UBR1: variants seen among roughly 807,000 people sequenced by gnomAD.
UBR1 encodes the protein ubiquitin protein ligase E3 component n-recognin 1.
UBR1 carries 102 observed loss-of-function variants against 242.1 expected under a neutral mutation model. The ratio of observed to expected loss-of-function variants is 0.42; its 90% CI spans 0.36 to 0.50. The LOEUF is 0.50. Among genes scored for constraint, UBR1 ranks in the 20% least tolerant of loss-of-function variants. The pLI, the probability that UBR1 is intolerant of heterozygous loss-of-function variation, is 0.01. For missense variants in UBR1, 1,772 were observed against 2,101.8 expected (o/e 0.84, Z 3.07); for synonymous variants, 675 against 684.8 (o/e 0.99, Z 0.22).
intron 17 of UBR1, among the ~76,000 whole-genome samples, chr15:43,037,226 T>C (rs930431734): frequency 2.6e-5 from 4 of 151,726 alleles, no homozygotes; most frequent in East Asian, 3.9e-4. Flanking sequence ...TGTATGTCTG[T>C]AGTCCCAGCT....
chr15:42,980,149 T>A (rs2032353258), intron 37 of UBR1, among the ~76,000 whole-genome samples: 1 of 152,198 alleles, frequency 6.6e-6, no homozygotes, highest in Non-Finnish European at 1.5e-5. Flanking sequence ...TCGTCCTAAT[T>A]TCCATCATCT....
At chr15:42,992,279 T>A (rs115503186) in intron 33 of UBR1, among the ~76,000 whole-genome samples, 193 of 152,358 alleles carry the variant, frequency 1.3e-3, no homozygotes, top group African/African-American at 4.5e-3. Context: ...GGCATTTGGT[T>A]GTTTTTCCCT....
chr15:43,091,635 A>G (rs777430863), intron 1 of UBR1, among the ~76,000 whole-genome samples: 3 of 152,128 alleles, frequency 2.0e-5, no homozygotes, highest in Non-Finnish European at 4.4e-5. Context: ...TATAATGAAT[A>G]ATTGATATTT....
At chr15:43,073,040 A>G (rs2033842022) in intron 4 of UBR1, among the ~76,000 whole-genome samples, 1 of 152,044 alleles carries the variant, frequency 6.6e-6, no homozygotes, top group South Asian at 2.1e-4. Flanking sequence ...ATACGCCTAT[A>G]ATCTCAGCTA....
rs1213758864 is a variant in UBR1, at chr15:42,944,933, T to C, written c.*396A>G. ...TCACAGATTATTAGAATTTTGTCAG[T>C]GATCCAATGTCAGTTGAACTAAACT... On this transcript the variant is annotated 3_prime_UTR_variant, in exon 47 of 47. Coordinates refer to ENST00000290650, the MANE Select transcript of UBR1 (RefSeq NM_174916.3). 1 of 230,276 alleles carries C rather than the reference T, an allele frequency of 4.3e-6. No individual in the cohort carries two copies. The highest frequency in any genetic ancestry group is 8.7e-6 in the Non-Finnish European group (1 of 115,210). 14.3% of individuals were successfully genotyped at this position (230,276 alleles called of 1,614,324 possible).
chr15:42,982,520 TG>T (rs1034386665), intron 37 of UBR1, among the ~76,000 whole-genome samples: 2 of 152,158 alleles, frequency 1.3e-5, no homozygotes, highest in Non-Finnish European at 2.9e-5. Context: ...AGGAGACACC[TG>T]GAAGTTAATT....
chr15:42,981,933 T>C (rs184751248), intron 37 of UBR1, among the ~76,000 whole-genome samples: 101 of 152,364 alleles, frequency 6.6e-4, no homozygotes, highest in African/African-American at 2.2e-3. Context: ...TGAAAAACTT[T>C]CATATATAGG....
intron 30 of UBR1, among the ~76,000 whole-genome samples, chr15:43,005,273 C>T (rs1473014336): frequency 6.6e-6 from 1 of 151,618 alleles, no homozygotes; most frequent in Non-Finnish European, 1.5e-5. Flanking sequence ...GCCAGCTGCC[C>T]CTTCCGGGAG....
At chr15:42,972,200 C>T (rs12440651) in intron 39 of UBR1, among the ~76,000 whole-genome samples, 1 of 151,460 alleles carries the variant, frequency 6.6e-6, no homozygotes, top group South Asian at 2.1e-4. Flanking sequence ...CACCCTTACC[C>T]CTGGCAATCA....
intron 38 of UBR1, among the ~76,000 whole-genome samples, chr15:42,977,300 C>T (rs1403217209): frequency 6.6e-6 from 1 of 152,076 alleles, no homozygotes; most frequent in Non-Finnish European, 1.5e-5. Context: ...TGGGTAGAGG[C>T]CTAGATAATG....
chr15:42,995,966 C>G (rs1346899213), intron 33 of UBR1, among the ~76,000 whole-genome samples: 1 of 152,218 alleles, frequency 6.6e-6, no homozygotes, highest in Admixed American at 6.5e-5. Flanking sequence ...CTGTTCCCCA[C>G]TGTGTACTCT....
chr15:42,958,833 A>C (rs1034566762), intron 43 of UBR1, among the ~76,000 whole-genome samples: 4 of 152,066 alleles, frequency 2.6e-5, no homozygotes, highest in African/African-American at 9.7e-5. Context: ...CAACCAATTT[A>C]TTGATTTATT....
rs1341486822 is a variant in UBR1 at position 43,011,955 on chromosome 15, AG to A, written c.3209+3732del. ...AGAATCTACATTATAGGCCGGGCAC[AG>A]TGGCTCACGCCTGTAATCCCAGCGC... is the stretch of plus-strand genomic sequence containing the variant. On this transcript the variant is annotated intron_variant, in intron 29 of 46. Coordinates refer to ENST00000290650, the MANE Select transcript of UBR1 (RefSeq NM_174916.3). The A allele has an allele frequency of 1.1e-5, 5 of 451,606 alleles. No homozygotes were observed. The East Asian group carries it at 3.5e-4, about 32-fold the overall frequency. 28.0% of individuals were successfully genotyped at this position (451,606 alleles called of 1,614,324 possible).
chr15:42,980,576 T>C (rs138832110), intron 37 of UBR1, among the ~76,000 whole-genome samples: 9 of 152,060 alleles, frequency 5.9e-5, no homozygotes, highest in African/African-American at 2.2e-4. Flanking sequence ...GAGCATTGTA[T>C]GTCCTATCTA....
chr15:43,077,846 A>C (rs1004416656), intron 3 of UBR1, among the ~76,000 whole-genome samples: 7 of 152,192 alleles, frequency 4.6e-5, no homozygotes, highest in African/African-American at 1.7e-4. Context: ...CCTCAGGTAG[A>C]GGATGATGGC....
chr15:42,996,812 T>C (rs2032648319), intron 33 of UBR1, among the ~76,000 whole-genome samples: 1 of 152,190 alleles, frequency 6.6e-6, no homozygotes, highest in African/African-American at 2.4e-5. Context: ...ATATGAATTG[T>C]AGAAATAAGA....
intron 11 of UBR1, 127 bp downstream of exon 11, chr15:43,056,217 A>T: frequency 2.6e-6 from 2 of 771,200 alleles, no homozygotes; most frequent in Non-Finnish European, 4.5e-6. Context: ...GGGTAGCACT[A>T]AAGTATTCAC....
At chr15:42,998,073 A>T in intron 33 of UBR1, 95 bp downstream of exon 33, 1 of 1,095,628 alleles carries the variant, frequency 9.1e-7, no homozygotes, top group Non-Finnish European at 1.3e-6. Context: ...AGAAATCTGT[A>T]CTTGCAAACC....
chr15:42,963,594 A>G (rs1450771281), intron 42 of UBR1, among the ~76,000 whole-genome samples: 1 of 151,854 alleles, frequency 6.6e-6, no homozygotes, highest in East Asian at 1.9e-4. Flanking sequence ...ATATGCTCCT[A>G]TTTTGGATAC....
Sources: gnomAD v4.1 joint callset for allele counts (sites outside exome capture counted in the v4.1 genomes callset) on GRCh38, gnomAD v4.1.1 for gene constraint, MANE v1.5 for transcripts, NCBI Gene and HGNC (gene_info 2026-07-23, HGNC 2026-07-21) for gene names.